SYNE1: variants seen among roughly 807,000 people sequenced by gnomAD.
The protein encoded by SYNE1 is nesprin-1.
In SYNE1, 616 loss-of-function variants were observed where a neutral mutation model predicts 1,111.0. That is an observed-to-expected ratio of 0.55 (90% CI 0.52 to 0.59). The LOEUF is 0.59. Ranked by LOEUF, SYNE1 falls within the 20% of genes least tolerant of loss-of-function variation. SYNE1 has a pLI of 0.00. For synonymous variants in SYNE1, 3,855 were observed against 3,825.8 expected, an observed-to-expected ratio of 1.01 and a Z score of -0.28; for missense variants, 10,006 against 10,417.0, an observed-to-expected ratio of 0.96 and a Z score of 1.72.
chr6:152,444,508 T>C lies in SYNE1; in HGVS notation c.3740A>G (p.Glu1247Gly), dbSNP rs908679898. The C allele has an allele frequency of 5.0e-6, 8 of 1,613,812 alleles. No homozygotes were observed. Among genetic ancestry groups the C allele is most frequent in the Middle Eastern group, 3.3e-4 (2 of 6,084 alleles). ...GACTTCTTTAGAGCCAGAAATTAAT[T>C]CTTCGAGAGAATTTTTGACTATTTC... ...YKEIVKNSLE[E>G]LISGSKEVQE... is the part of the protein sequence containing the mutation. Residue 1247 changes from glutamate (E) to glycine (G), a missense_variant, in exon 30 of 146, where the codon GAA (glutamate) becomes GGA (glycine). This residue lies in a region of SYNE1 where 1,971 missense variants were observed against 2,084.1 expected (regional missense o/e 0.95). Transcript: ENST00000367255.
chr6:152,612,759 G>A (rs1009999105), intron 3 of SYNE1, among the ~76,000 whole-genome samples: 1 of 152,124 alleles, frequency 6.6e-6, no homozygotes, highest in African/African-American at 2.4e-5. Context: ...TAAAATACTG[G>A]CAAACCGAAT....
At chr6:152,278,615 A>G (rs544010826) in intron 97 of SYNE1, among the ~76,000 whole-genome samples, 2 of 151,814 alleles carry the variant, frequency 1.3e-5, no homozygotes, top group South Asian at 4.2e-4. Context: ...GGCGCCCACC[A>G]CTATGCCCGG....
At chr6:152,530,339 G>A (rs921517401) in intron 4 of SYNE1, among the ~76,000 whole-genome samples, 2 of 152,142 alleles carry the variant, frequency 1.3e-5, no homozygotes, top group Admixed American at 6.5e-5. Flanking sequence ...ATTTCTTAGT[G>A]TGTAAACACT....
Position 152,342,983 on chromosome 6 carries a change from C to T in SYNE1, c.12225+1098G>A, listed in dbSNP as rs143453595. Among the ~76,000 whole-genome samples the T allele has an allele frequency of 5.5e-3, 841 of 152,092 alleles. 14 individuals are homozygous for T. Among genetic ancestry groups the T allele is most frequent in the African/African-American group, 0.019 (780 of 41,502 alleles). On this transcript the variant is annotated intron_variant, in intron 74 of 145. Coordinates refer to ENST00000367255, the MANE Select transcript of SYNE1 (RefSeq NM_182961.4). ...ACGTTTATCTGTAGTGTGATATTTGCATTTCATTATAACTTTTAGAAGTAA... is the reference window on the plus strand; with the variant it reads ...ACGTTTATCTGTAGTGTGATATTTGTATTTCATTATAACTTTTAGAAGTAA...
chr6:152,338,025 G>T (rs2096444167), intron 75 of SYNE1, among the ~76,000 whole-genome samples: 1 of 151,950 alleles, frequency 6.6e-6, no homozygotes, highest in South Asian at 2.1e-4. Context: ...GTGTGTGCCT[G>T]TAGTCCCAGC....
chr6:152,239,551 C>A lies in SYNE1; in HGVS notation c.20049G>T (p.Glu6683Asp). ...GTCTCACCTCTAGAATGTACTCCAG[C>A]TCCACACCCCTCTTGTGAGCCCGTT... ...VLKRAHKRGV[E>D]LEYILETWSH... is the part of the protein sequence containing the mutation. Residue 6683 changes from glutamate (E) to aspartate (D), a missense_variant, in exon 108 of 146, where the codon GAG becomes GAT. By Grantham distance (45) the Glu-to-Asp change is conservative (BLOSUM62 2). Coordinates refer to ENST00000367255, the MANE Select transcript of SYNE1 (RefSeq NM_182961.4). 1 of 1,614,184 alleles carries A rather than the reference C, an allele frequency of 6.2e-7. No individual in the cohort carries two copies. Among genetic ancestry groups the A allele is most frequent in the Non-Finnish European group, 8.5e-7 (1 of 1,180,040 alleles).
chr6:152,373,564 G>A (rs1045183851), intron 58 of SYNE1, among the ~76,000 whole-genome samples: 2 of 152,130 alleles, frequency 1.3e-5, no homozygotes, highest in African/African-American at 4.8e-5. Flanking sequence ...ACAGGCGTGA[G>A]CCACCACACC....
intron 8 of SYNE1, among the ~76,000 whole-genome samples, chr6:152,507,806 C>A (rs924314211): frequency 6.6e-6 from 1 of 152,076 alleles, no homozygotes; most frequent in African/African-American, 2.4e-5. Context: ...TAACTTAAAG[C>A]TTTTATTTCT....
intron 56 of SYNE1, among the ~76,000 whole-genome samples, chr6:152,379,693 T>C (rs1360993498): frequency 6.6e-6 from 1 of 152,208 alleles, no homozygotes. Flanking sequence ...TGGAGTCAAA[T>C]CTGGAAGCAG....
intron 11 of SYNE1, among the ~76,000 whole-genome samples, chr6:152,495,900 G>A (rs376333373): frequency 6.8e-4 from 104 of 152,302 alleles, no homozygotes; most frequent in African/African-American, 2.4e-3. Context: ...TTGCCTTGCT[G>A]AGAATTAAAA....
rs112728284 is a variant in SYNE1, at chr6:152,427,961, C to T, written c.4977-145G>A. ...TCTTAGATATGCCAGCACAAAAATC[C>T]CTCCTTTTATTTTCATTTGTGTCCC... On this transcript the variant is annotated intron_variant, in intron 37 of 145. Coordinates refer to ENST00000367255, the MANE Select transcript of SYNE1 (RefSeq NM_182961.4). The T allele has an allele frequency of 4.7e-6, 6 of 1,272,176 alleles. No individual in the cohort carries two copies. The African/African-American group carries it at 6.0e-5, about 13-fold the overall frequency. 78.8% of individuals were successfully genotyped at this position (1,272,176 alleles called of 1,614,324 possible). A position where few individuals can be genotyped will look rare whatever the true frequency, so the allele number is the denominator to read the frequency against.
Position 152,221,406 on chromosome 6 carries a change from A to G in SYNE1, c.21656+20T>C, listed in dbSNP as rs775309476. 7 of 1,613,084 alleles carry G rather than the reference A, an allele frequency of 4.3e-6. No homozygotes were observed. The highest frequency in any genetic ancestry group is 4.0e-5 in the African/African-American group (3 of 74,916). ...TAAGGCTGTGATATAAATAGTGTGT[A>G]AAGTTAACATACTCCATACCTCATG... On this transcript the variant is annotated intron_variant, in intron 118 of 145. Coordinates refer to ENST00000367255, the MANE Select transcript of SYNE1 (RefSeq NM_182961.4).
At position 152,221,480 on chromosome 6, in the gene SYNE1, C is replaced by G. The variant is rs794727041; in HGVS notation, c.21602G>C (p.Cys7201Ser). 6.2e-7 allele frequency: 1 copy of G among 1,613,854 alleles called. No individual in the cohort carries two copies. Among genetic ancestry groups the G allele is most frequent in the Non-Finnish European group, 8.5e-7 (1 of 1,179,944 alleles). ...AAGAGTTTCTGTCACGGGTGGGTGA[C>G]ACTCTTTTAATAATTGGTTGGTGAT... is the stretch of plus-strand genomic sequence containing the variant. ...GSITNQLLKE[C>S]HPPVTETLTN... The change falls in exon 118 of 146, where the codon TGT becomes TCT. Residue 7201 changes from cysteine (C) to serine (S), a missense_variant. Physicochemically the swap from Cys to Ser is moderately radical, Grantham distance 112. This residue lies in a region of SYNE1 where 2,182 missense variants were observed against 2,287.8 expected (regional missense o/e 0.95). Transcript: ENST00000367255.
At chr6:152,141,930 G>T (rs1031683080) in intron 138 of SYNE1, among the ~76,000 whole-genome samples, 10 of 152,166 alleles carry the variant, frequency 6.6e-5, no homozygotes, top group Middle Eastern at 3.4e-3. Context: ...AATGAGCCAG[G>T]CGTGGTGGTG....
At chr6:152,223,838 GAAGA>G (rs2080828562) in intron 117 of SYNE1, among the ~76,000 whole-genome samples, 1 of 152,236 alleles carries the variant, frequency 6.6e-6, no homozygotes, top group African/African-American at 2.4e-5. Context: ...CTTTAGCCAA[GAAGA>G]AAGAGCAGTG....
At chr6:152,254,240 T>C (rs1316174118) in intron 104 of SYNE1, among the ~76,000 whole-genome samples, 2 of 132,470 alleles carry the variant, frequency 1.5e-5, no homozygotes, top group Admixed American at 8.2e-5. Context: ...ACTTTCTGCA[T>C]ACTCTTTTTT....
At position 152,362,263 on chromosome 6, in the gene SYNE1, G is replaced by T; in HGVS notation, c.10206C>A (p.Ser3402=). ...TGGCTTCCATACTATCCATCCAACCGGAGAACTGTCGAACGCCATCCTGAT... is the reference window on the plus strand; with the variant it reads ...TGGCTTCCATACTATCCATCCAACCTGAGAACTGTCGAACGCCATCCTGAT... ...TSYQDGVRQF[S]GWMDSMEANL... is the part of the protein sequence containing the mutation. The change falls in exon 64 of 146, where the codon TCC becomes TCA. Residue 3402 remains serine, a synonymous_variant. Coordinates refer to ENST00000367255, the MANE Select transcript of SYNE1 (RefSeq NM_182961.4). 2 of 1,614,188 alleles carry T rather than the reference G, an allele frequency of 1.2e-6. No individual in the cohort carries two copies. The highest frequency in any genetic ancestry group is 1.7e-6 in the Non-Finnish European group (2 of 1,180,044).
chr6:152,628,936 C>G lies in SYNE1; in HGVS notation c.-223-382G>C, dbSNP rs79698815. On this transcript the variant is annotated intron_variant, in intron 2 of 145. Transcript: ENST00000367255. ...TTCTCTAGTCTGCTAATTTAGCCTG[C>G]TTTGCACATGTTTTGCTCTGTTGCG... Among the ~76,000 whole-genome samples, 313 of 152,246 alleles carry G rather than the reference C, an allele frequency of 2.1e-3. 3 individuals carry two copies. The highest frequency in any genetic ancestry group is 0.02 in the South Asian group (96 of 4,826).
chr6:152,399,572 T>C lies in SYNE1; in HGVS notation c.7237+44A>G, dbSNP rs544435305. 1.3e-5 allele frequency: 21 copies of C among 1,609,400 alleles called. 1 individual carries two copies. The South Asian group carries it at 2.3e-4, about 18-fold the overall frequency. ...CTAGGCAGCATTTGGTTTGGATTCT[T>C]TCTCGGAAACAAACTACTCATGCTA... On this transcript the variant is annotated intron_variant, in intron 48 of 145. Coordinates refer to ENST00000367255, the MANE Select transcript of SYNE1 (RefSeq NM_182961.4).
Sources: gnomAD v4.1 joint callset for allele counts (sites outside exome capture counted in the v4.1 genomes callset) on GRCh38, gnomAD v4.1.1 for gene constraint, gnomAD v4.1.1 regional missense constraint, MANE v1.5 for transcripts, NCBI Gene and HGNC (gene_info 2026-07-23, HGNC 2026-07-21) for gene names.